The following PTPRC variants were observed in gnomAD, a reference collection of about 807,000 sequenced individuals.
PTPRC encodes the protein protein tyrosine phosphatase receptor type C.
In PTPRC, 44 loss-of-function variants were observed where a neutral mutation model predicts 155.9. The observed-to-expected ratio is 0.28, with a 90% CI of 0.22 to 0.36. PTPRC has a LOEUF of 0.36. Among genes scored for constraint, PTPRC ranks in the 10% least tolerant of loss-of-function variants. PTPRC has a pLI of 1.00. For synonymous variants in PTPRC, 525 were observed against 533.1 expected (o/e 0.98, Z 0.21); for missense variants, 1,401 against 1,564.6 (o/e 0.90, Z 1.76).
intron 2 of PTPRC, among the ~76,000 whole-genome samples, chr1:198,676,330 CGAACTTGAAAGA>C (rs1314831597): frequency 6.6e-6 from 1 of 152,074 alleles, no homozygotes; most frequent in African/African-American, 2.4e-5. Context: ...AAATTGAATA[CGAACTTGAAAGA>C]GACCATGTCT....
At chr1:198,667,220 C>T (rs1188559357) in intron 2 of PTPRC, among the ~76,000 whole-genome samples, 1 of 152,106 alleles carries the variant, frequency 6.6e-6, no homozygotes, top group Non-Finnish European at 1.5e-5. Context: ...ACTTATTGGC[C>T]AGAAATTTAA....
chr1:198,750,639 G>A lies in PTPRC; in HGVS notation c.3207+13G>A, dbSNP rs557211214. The A allele has an allele frequency of 6.2e-7, 1 of 1,611,986 alleles. No individual in the cohort carries two copies. Among genetic ancestry groups the A allele is most frequent in the Non-Finnish European group, 8.5e-7 (1 of 1,178,590 alleles). On this transcript the variant is annotated intron_variant, in intron 29 of 32. Transcript: ENST00000442510. Reference sequence around the variant, plus strand: ...ACATGGAGACCAGGTTTGTACTTTTGAGGATTTTCTTTTAAGCCTTTCTGT... The same window carrying A: ...ACATGGAGACCAGGTTTGTACTTTTAAGGATTTTCTTTTAAGCCTTTCTGT...
At chr1:198,728,092 G>A (rs943290448) in intron 15 of PTPRC, among the ~76,000 whole-genome samples, 4 of 152,030 alleles carry the variant, frequency 2.6e-5, no homozygotes, top group African/African-American at 9.7e-5. Context: ...TTAATCAAAA[G>A]AAAGATAATT....
intron 13 of PTPRC, among the ~76,000 whole-genome samples, chr1:198,717,530 T>C (rs1653652891): frequency 3.9e-5 from 6 of 152,238 alleles, no homozygotes; most frequent in Admixed American, 3.3e-4. Flanking sequence ...AATATTGTGC[T>C]ATTTGGGGCT....
intron 2 of PTPRC, among the ~76,000 whole-genome samples, chr1:198,673,275 T>A (rs1664751984): frequency 6.6e-6 from 1 of 152,156 alleles, no homozygotes; most frequent in African/African-American, 2.4e-5. Flanking sequence ...CATTGTAATG[T>A]GGCTATATTT....
intron 5 of PTPRC, among the ~76,000 whole-genome samples, chr1:198,701,377 C>A (rs749403005): frequency 3.9e-5 from 6 of 152,170 alleles, no homozygotes; most frequent in Non-Finnish European, 8.8e-5. Flanking sequence ...CAGACTCTGC[C>A]TGCAAATGTG....
chr1:198,679,306 CA>C (rs1665151771), intron 2 of PTPRC: 1 of 151,788 alleles, frequency 6.6e-6, no homozygotes, highest in Non-Finnish European at 1.5e-5. Context: ...GATCTCGCCT[CA>C]CTGCAACCTC....
At chr1:198,675,387 AT>A (rs770247569) in intron 2 of PTPRC, among the ~76,000 whole-genome samples, 14 of 152,178 alleles carry the variant, frequency 9.2e-5, no homozygotes, top group Non-Finnish European at 1.6e-4. Context: ...TTCATTACTA[AT>A]ATTTAGCTTT....
chr1:198,668,853 T>A (rs183137377), intron 2 of PTPRC, among the ~76,000 whole-genome samples: 1 of 152,208 alleles, frequency 6.6e-6, no homozygotes, highest in East Asian at 1.9e-4. Context: ...GAAGGGAAAT[T>A]AAGAGAGCAT....
chr1:198,733,532 C>T (rs4915155), intron 20 of PTPRC, among the ~76,000 whole-genome samples: 91,822 of 151,558 alleles, frequency 0.61, 28,194 homozygotes, highest in African/African-American at 0.65. Context: ...GGTCATCCCT[C>T]TCTGAAGAGC....
At chr1:198,754,528 T>A in intron 32 of PTPRC, 124 bp downstream of exon 32, 1 of 1,124,582 alleles carries the variant, frequency 8.9e-7, no homozygotes. Context: ...TCCTTTTCTC[T>A]TCTCTATTTT....
chr1:198,639,531 A>G (rs1356121852), intron 2 of PTPRC, among the ~76,000 whole-genome samples, 190 bp downstream of exon 2: 1 of 152,082 alleles, frequency 6.6e-6, no homozygotes, highest in South Asian at 2.1e-4. Flanking sequence ...GTTTACAAAG[A>G]CATAAATGTT....
At chr1:198,660,157 T>C (rs1295850876) in intron 2 of PTPRC, among the ~76,000 whole-genome samples, 1 of 149,644 alleles carries the variant, frequency 6.7e-6, no homozygotes, top group East Asian at 2.0e-4. Flanking sequence ...TATTGACAAA[T>C]GGCTTTCAGA....
chr1:198,698,281 T>A (rs1015574211), intron 4 of PTPRC, among the ~76,000 whole-genome samples: 1 of 152,188 alleles, frequency 6.6e-6, no homozygotes, highest in Non-Finnish European at 1.5e-5. Flanking sequence ...GGATGAATAA[T>A]TTTAAAATAC....
intron 2 of PTPRC, among the ~76,000 whole-genome samples, chr1:198,661,409 A>G (rs1321936325): frequency 6.6e-6 from 1 of 151,280 alleles, no homozygotes; most frequent in African/African-American, 2.4e-5. Flanking sequence ...TAATAGGAAT[A>G]GTGTCACTTT....
chr1:198,742,426 C>CAA, intron 25 of PTPRC, 59 bp downstream of exon 25: 1 of 1,583,484 alleles, frequency 6.3e-7, no homozygotes, highest in Non-Finnish European at 8.7e-7. Flanking sequence ...AAATCTTTTC[C>CAA]AAGTGATAAT....
At position 198,647,234 on chromosome 1, in the gene PTPRC, T is replaced by A. The variant is rs561850882; in HGVS notation, c.73+7893T>A. On this transcript the variant is annotated intron_variant, in intron 2 of 32. Transcript: ENST00000442510. ...CTGCATAGGTATTCTTCTGCTGTGATGATCCTTTGAATAATTCTCTTGGAG... is the reference window on the plus strand; with the variant it reads ...CTGCATAGGTATTCTTCTGCTGTGAAGATCCTTTGAATAATTCTCTTGGAG... Among the ~76,000 whole-genome samples, 8 of 152,048 alleles carry A rather than the reference T, an allele frequency of 5.3e-5. No individual in the cohort carries two copies. In the South Asian group the frequency reaches 1.7e-3, roughly 32 times the overall value.
chr1:198,752,662 A>T lies in PTPRC; in HGVS notation c.3399A>T (p.Glu1133Asp). 1.2e-6 allele frequency: 2 copies of T among 1,612,798 alleles called. No individual in the cohort carries two copies. The highest frequency in any genetic ancestry group is 1.7e-6 in the Non-Finnish European group (2 of 1,179,254). Residue 1133 changes from glutamate (E) to aspartate (D), a missense_variant, in exon 31 of 33, where the codon GAA becomes GAT. By Grantham distance (45) the Glu-to-Asp change is conservative. Coordinates refer to ENST00000442510, the MANE Select transcript of PTPRC (RefSeq NM_002838.5). ...GGAGTGTGGAGCAGCTTCCTGCAGA[A>T]CCCAAGGAATTAATCTCTATGATTC... ...TNWSVEQLPA[E>D]PKELISMIQV...
At chr1:198,646,084 T>A (rs982374628) in intron 2 of PTPRC, among the ~76,000 whole-genome samples, 2 of 151,836 alleles carry the variant, frequency 1.3e-5, no homozygotes, top group Non-Finnish European at 2.9e-5. Flanking sequence ...AATTAGAATA[T>A]ACCAACATTT....
Sources: allele counts gnomAD v4.1 joint callset (sites outside exome capture counted in the v4.1 genomes callset), GRCh38; gene constraint gnomAD v4.1.1; transcripts MANE v1.5; gene names NCBI Gene and HGNC (gene_info 2026-07-23, HGNC 2026-07-21).